Variants in CSMD1 observed in about 807,000 individuals in gnomAD.
The protein encoded by CSMD1 is CUB and sushi domain-containing protein 1.
CSMD1 carries 213 observed loss-of-function variants against 417.5 expected under a neutral mutation model. That is an observed-to-expected ratio of 0.51 (90% CI 0.46 to 0.57). The LOEUF (loss-of-function observed/expected upper bound fraction) is 0.57, where lower values mean the gene tolerates loss of function less well. Among genes scored for constraint, CSMD1 ranks in the 20% least tolerant of loss-of-function variants. The pLI is 0.00. For missense variants in CSMD1, 6,923 were observed against 4,529.7 expected (o/e 1.53, Z -15.17); for synonymous variants, 2,862 against 1,736.8 (o/e 1.65, Z -16.11).
At position 4,480,156 on chromosome 8, in the gene CSMD1, C is replaced by T. The variant is rs572327671; in HGVS notation, c.303-60091G>A. 2.9e-4 allele frequency among the ~76,000 whole-genome samples: 43 copies of T among 149,340 alleles called. No homozygotes were observed. The South Asian group carries it at 8.5e-3, about 29-fold the overall frequency. On this transcript the variant is annotated intron_variant, in intron 2 of 69. Transcript: ENST00000635120. ...TTGAGAATCTGTTTTCTACTATTTTCCTAATACCACGAGAGTGCATTGTTA... is the reference window on the plus strand; with the variant it reads ...TTGAGAATCTGTTTTCTACTATTTTTCTAATACCACGAGAGTGCATTGTTA...
intron 41 of CSMD1, among the ~76,000 whole-genome samples, chr8:3,135,373 C>T (rs1818016596): frequency 1.3e-5 from 2 of 152,200 alleles, no homozygotes; most frequent in African/African-American, 4.8e-5. Flanking sequence ...TGTTGTTTTT[C>T]CAGGTACCTT....
intron 1 of CSMD1, among the ~76,000 whole-genome samples, chr8:4,648,869 A>T (rs188776343): frequency 1.7e-4 from 26 of 152,318 alleles, no homozygotes; most frequent in Admixed American, 1.4e-3. Flanking sequence ...CCACCACAGT[A>T]ACAACGTCAC....
chr8:3,958,676 G>T (rs900051090), intron 5 of CSMD1, among the ~76,000 whole-genome samples: 1 of 152,134 alleles, frequency 6.6e-6, no homozygotes, highest in Admixed American at 6.5e-5. Context: ...AAATGTCAAA[G>T]AGGGAAATGG....
At chr8:3,844,042 G>A (rs974923398) in intron 5 of CSMD1, among the ~76,000 whole-genome samples, 2 of 152,124 alleles carry the variant, frequency 1.3e-5, no homozygotes, top group South Asian at 2.1e-4. Flanking sequence ...ATGGCACAAT[G>A]TTAATATAAT....
At chr8:3,075,954 G>A (rs62488401) in intron 49 of CSMD1, among the ~76,000 whole-genome samples, 39,034 of 150,822 alleles carry the variant, frequency 0.26, 5,200 homozygotes, top group South Asian at 0.3. Context: ...GGGACGCTGA[G>A]GCAGGAGAAT....
At position 3,108,987 on chromosome 8, in the gene CSMD1, G is replaced by A. The variant is rs554858051; in HGVS notation, c.6609-239C>T. 1.9e-4 allele frequency among the ~76,000 whole-genome samples: 29 copies of A among 152,284 alleles called. 1 individual carries two copies. In the South Asian group the frequency reaches 4.6e-3, roughly 24 times the overall value. ...CACTTGTCAAATGTCAACACTCACC[G>A]GTGCTGGTGGCTCATGCCTGTCATC... On this transcript the variant is annotated intron_variant, in intron 43 of 69. Transcript: ENST00000635120.
chr8:4,960,316 T>C (rs999376306), intron 1 of CSMD1, among the ~76,000 whole-genome samples: 2 of 152,174 alleles, frequency 1.3e-5, no homozygotes, highest in Non-Finnish European at 2.9e-5. Context: ...TATAGACAAG[T>C]GTGTTTAATG....
In CSMD1 at chr8:4,127,026, C is replaced by A. The variant is rs577454733; in HGVS notation, c.416-94927G>T. On this transcript the variant is annotated intron_variant, in intron 3 of 69. Coordinates refer to ENST00000635120, the MANE Select transcript of CSMD1 (RefSeq NM_033225.6). ...CCACTGGCCTACAAAATATATATAC[C>A]CTGGCCTCCAAAATCATAGTTCAAG... Among the ~76,000 whole-genome samples, 3 of 152,214 alleles carry A rather than the reference C, an allele frequency of 2.0e-5. No homozygotes were observed. In the South Asian group the frequency reaches 6.3e-4, roughly 32 times the overall value.
chr8:3,074,591 C>T (rs1020854733), intron 49 of CSMD1, among the ~76,000 whole-genome samples: 25 of 152,200 alleles, frequency 1.6e-4, no homozygotes, highest in African/African-American at 5.8e-4. Flanking sequence ...GCCTGTATTT[C>T]ACTTTCAAGA....
intron 4 of CSMD1, among the ~76,000 whole-genome samples, chr8:4,029,463 A>G (rs1171117565): frequency 1.3e-5 from 2 of 152,172 alleles, no homozygotes; most frequent in East Asian, 1.9e-4. Flanking sequence ...CAGCCTGTGC[A>G]GAGAAACACC....
At chr8:4,509,685 G>T (rs779936878) in intron 2 of CSMD1, among the ~76,000 whole-genome samples, 32 of 152,132 alleles carry the variant, frequency 2.1e-4, no homozygotes, top group Non-Finnish European at 3.8e-4. Context: ...TCACAGTCAT[G>T]CTGATAATAG....
intron 5 of CSMD1, among the ~76,000 whole-genome samples, chr8:3,954,374 C>G (rs1285511666): frequency 6.6e-6 from 1 of 151,620 alleles, no homozygotes; most frequent in Non-Finnish European, 1.5e-5. Flanking sequence ...ACTTTTTTTT[C>G]TTTTTTGAGA....
chr8:3,290,384 G>T (rs1208618352), intron 25 of CSMD1, among the ~76,000 whole-genome samples: 1 of 146,718 alleles, frequency 6.8e-6, no homozygotes, highest in African/African-American at 2.7e-5. Context: ...GTAACTTGAA[G>T]GGGATGGCAT....
At position 4,984,418 on chromosome 8, in the gene CSMD1, A is replaced by G. The variant is rs112443494; in HGVS notation, c.85+9914T>C. On this transcript the variant is annotated intron_variant, in intron 1 of 69. Coordinates refer to ENST00000635120, the MANE Select transcript of CSMD1 (RefSeq NM_033225.6). ...TCCGATCCGACCTTCAGCTTTAAAGAGCAATGAATCAATGTCTGAGAAGGG... is the reference window on the plus strand; with the variant it reads ...TCCGATCCGACCTTCAGCTTTAAAGGGCAATGAATCAATGTCTGAGAAGGG... 4.9e-4 allele frequency among the ~76,000 whole-genome samples: 74 copies of G among 152,330 alleles called. 1 individual carries two copies. Among genetic ancestry groups the G allele is most frequent in the African/African-American group, 1.7e-3 (69 of 41,578 alleles).
chr8:4,312,572 G>C (rs1443363434), intron 3 of CSMD1, among the ~76,000 whole-genome samples: 1 of 151,500 alleles, frequency 6.6e-6, no homozygotes, highest in Admixed American at 6.6e-5. Flanking sequence ...CTATTTATGA[G>C]CAACAGATGT....
intron 5 of CSMD1, among the ~76,000 whole-genome samples, chr8:3,965,636 G>C (rs1295613576): frequency 2.0e-5 from 3 of 150,852 alleles, no homozygotes; most frequent in Non-Finnish European, 4.4e-5. Flanking sequence ...ATTTATTTTT[G>C]AAATGGAGTC....
At chr8:4,914,190 T>G (rs1428473232) in intron 1 of CSMD1, among the ~76,000 whole-genome samples, 4 of 152,192 alleles carry the variant, frequency 2.6e-5, no homozygotes, top group Non-Finnish European at 5.9e-5. Context: ...GTCATGAGAC[T>G]CTATAGTATT....
intron 3 of CSMD1, among the ~76,000 whole-genome samples, chr8:4,047,749 A>C (rs1798223210): frequency 6.6e-6 from 1 of 152,054 alleles, no homozygotes; most frequent in South Asian, 2.1e-4. Context: ...AATCAAGAGA[A>C]AATGGTATTT....
At chr8:4,830,784 T>G (rs1800105044) in intron 1 of CSMD1, among the ~76,000 whole-genome samples, 1 of 151,992 alleles carries the variant, frequency 6.6e-6, no homozygotes, top group African/African-American at 2.4e-5. Context: ...CATTCCAGAG[T>G]CAAGTGCAGC....
Sources: allele counts gnomAD v4.1 joint callset (sites outside exome capture counted in the v4.1 genomes callset), GRCh38; gene constraint gnomAD v4.1.1; transcripts MANE v1.5; gene names NCBI Gene and HGNC (gene_info 2026-07-23, HGNC 2026-07-21).